Variants in CDKAL1 observed in about 807,000 individuals in gnomAD.
CDKAL1 encodes threonylcarbamoyladenosine tRNA methylthiotransferase.
Under a neutral mutation model 68.2 loss-of-function variants are expected in CDKAL1, and 32 were observed. That is an observed-to-expected ratio of 0.47 (90% CI 0.35 to 0.63). The LOEUF (loss-of-function observed/expected upper bound fraction) is 0.63, where lower values mean the gene tolerates loss of function less well. Ranked by LOEUF, CDKAL1 falls within the 30% of genes least tolerant of loss-of-function variation. The pLI is 0.00. For synonymous variants in CDKAL1, 234 were observed against 244.3 expected, an observed-to-expected ratio of 0.96 and a Z score of 0.39; for missense variants, 606 against 696.7, an observed-to-expected ratio of 0.87 and a Z score of 1.47.
intron 8 of CDKAL1, among the ~76,000 whole-genome samples, chr6:20,837,938 TG>T (rs1424168302): frequency 1.8e-4 from 1 of 5,714 alleles, no homozygotes; most frequent in African/African-American, 2.6e-4. Flanking sequence ...GGGAAGAAAT[TG>T]TGTGTGTGTG....
intron 9 of CDKAL1, among the ~76,000 whole-genome samples, chr6:20,947,014 G>A (rs779487643): frequency 1.3e-5 from 2 of 151,966 alleles, no homozygotes; most frequent in Non-Finnish European, 2.9e-5. Flanking sequence ...ATTTCACGTG[G>A]GCAGAGACCT....
intron 8 of CDKAL1, 82 bp from the exon 9 acceptor site, chr6:20,845,992 TG>T: frequency 1.3e-6 from 1 of 783,072 alleles, no homozygotes; most frequent in Non-Finnish European, 2.1e-6. Context: ...AGAGCACTTT[TG>T]TGTATGTTTT....
At chr6:21,078,138 C>A (rs533751173) in intron 12 of CDKAL1, among the ~76,000 whole-genome samples, 2 of 152,262 alleles carry the variant, frequency 1.3e-5, no homozygotes, top group East Asian at 3.9e-4. Context: ...ACCTCCAGAA[C>A]TATAATATAA....
At chr6:21,157,121 G>T (rs994191508) in intron 13 of CDKAL1, among the ~76,000 whole-genome samples, 1 of 152,176 alleles carries the variant, frequency 6.6e-6, no homozygotes, top group African/African-American at 2.4e-5. Context: ...TTTGATCCCT[G>T]CTCTATCACT....
chr6:21,091,857 CTT>C (rs70990099), intron 12 of CDKAL1, among the ~76,000 whole-genome samples: 1 of 70,538 alleles, frequency 1.4e-5, no homozygotes, highest in Non-Finnish European at 2.6e-5. Flanking sequence ...TCAGAACTTT[CTT>C]TTTTTTTTTT....
At chr6:21,053,205 T>C (rs1172403765) in intron 11 of CDKAL1, among the ~76,000 whole-genome samples, 1 of 152,250 alleles carries the variant, frequency 6.6e-6, no homozygotes, top group East Asian at 1.9e-4. Flanking sequence ...CTTCTAGATA[T>C]TTCTTATAAA....
At chr6:21,109,759 T>G (rs1774030047) in intron 13 of CDKAL1, among the ~76,000 whole-genome samples, 1 of 152,200 alleles carries the variant, frequency 6.6e-6, no homozygotes, top group African/African-American at 2.4e-5. Flanking sequence ...GTTGCATTTT[T>G]TTTTAGATGA....
At chr6:21,009,922 T>C (rs416688) in intron 11 of CDKAL1, among the ~76,000 whole-genome samples, 87,183 of 151,996 alleles carry the variant, frequency 0.57, 25,149 homozygotes, top group Middle Eastern at 0.73. Context: ...TTCTAGTGTT[T>C]GGTAGCACAG....
intron 7 of CDKAL1, among the ~76,000 whole-genome samples, chr6:20,778,871 G>T (rs1320754047): frequency 2.0e-5 from 3 of 152,120 alleles, no homozygotes; most frequent in Admixed American, 6.5e-5. Context: ...GCTTCACCCA[G>T]TGTACCAATT....
chr6:20,909,950 A>G (rs913711436), intron 9 of CDKAL1, among the ~76,000 whole-genome samples: 25 of 151,860 alleles, frequency 1.6e-4, no homozygotes, highest in Admixed American at 8.5e-4. Flanking sequence ...ATCCACTTTC[A>G]CCTCCCCAGA....
rs745786047 is a variant in CDKAL1 at position 20,603,768 on chromosome 6, A to ATTTTTTTTTTTT, written c.287-45510_287-45499dup. Among the ~76,000 whole-genome samples, 300 of 85,208 alleles carry ATTTTTTTTTTTT rather than the reference A, an allele frequency of 3.5e-3. 34 individuals are homozygous for ATTTTTTTTTTTT. Among genetic ancestry groups the ATTTTTTTTTTTT allele is most frequent in the African/African-American group, 0.013 (280 of 21,346 alleles). The allele number at this position is 85,208 out of a possible 152,430, so 55.9% of individuals were successfully genotyped here. A position where few individuals can be genotyped will look rare whatever the true frequency, so the allele number is the denominator to read the frequency against. Reference sequence around the variant, plus strand: ...ACATTGATTAATGGGCAGTTGCTAAATTTTTTTTTTTTTTTTTTTTTTTTT... The same window carrying ATTTTTTTTTTTT: ...ACATTGATTAATGGGCAGTTGCTAAATTTTTTTTTTTTTTTTTTTTTTTTTTTTTTTTTTTTT... On this transcript the variant is annotated intron_variant, in intron 4 of 15. Transcript: ENST00000274695.
chr6:20,537,245 A>C (rs926279484), intron 2 of CDKAL1, among the ~76,000 whole-genome samples: 2 of 152,178 alleles, frequency 1.3e-5, no homozygotes, highest in Admixed American at 1.3e-4. Flanking sequence ...GACAGTTTCT[A>C]TGTTCACATA....
intron 11 of CDKAL1, among the ~76,000 whole-genome samples, chr6:21,041,839 T>C (rs956598772): frequency 1.3e-5 from 2 of 152,072 alleles, no homozygotes; most frequent in African/African-American, 4.8e-5. Context: ...CAAAGAAACA[T>C]TTCCTTCATG....
chr6:20,814,529 G>A (rs767092322), intron 8 of CDKAL1, among the ~76,000 whole-genome samples: 6 of 152,096 alleles, frequency 3.9e-5, no homozygotes, highest in East Asian at 1.9e-4. Context: ...ATCCACCTGC[G>A]TCTGCCTCCT....
intron 8 of CDKAL1, among the ~76,000 whole-genome samples, chr6:20,843,711 G>C (rs1778265155): frequency 6.6e-6 from 1 of 152,148 alleles, no homozygotes; most frequent in African/African-American, 2.4e-5. Flanking sequence ...TGCTCAAAAA[G>C]TTTCAGATTT....
At chr6:21,059,323 T>C (rs1274507605) in intron 11 of CDKAL1, among the ~76,000 whole-genome samples, 2 of 152,174 alleles carry the variant, frequency 1.3e-5, no homozygotes, top group Non-Finnish European at 2.9e-5. Context: ...CCCTCACCTC[T>C]AGGAACTCGG....
chr6:20,820,413 A>G (rs1414460942), intron 8 of CDKAL1, among the ~76,000 whole-genome samples: 1 of 152,132 alleles, frequency 6.6e-6, no homozygotes. Context: ...GAGGTTAAGG[A>G]CTTATATTAT....
At chr6:20,938,458 G>A (rs1467577275) in intron 9 of CDKAL1, among the ~76,000 whole-genome samples, 3 of 152,028 alleles carry the variant, frequency 2.0e-5, no homozygotes, top group South Asian at 2.1e-4. Flanking sequence ...TTTAAATTTC[G>A]AGTTTGTGGA....
At chr6:20,992,335 G>A (rs1554155346) in intron 10 of CDKAL1, among the ~76,000 whole-genome samples, 1 of 151,830 alleles carries the variant, frequency 6.6e-6, no homozygotes, top group Non-Finnish European at 1.5e-5. Context: ...CCAAAGTGCT[G>A]GGATTACTAG....
Sources: gnomAD v4.1 joint callset for allele counts (sites outside exome capture counted in the v4.1 genomes callset) on GRCh38, gnomAD v4.1.1 for gene constraint, MANE v1.5 for transcripts, NCBI Gene and HGNC (gene_info 2026-07-23, HGNC 2026-07-21) for gene names.